The following NCOA7 variants were observed in gnomAD, a reference collection of about 807,000 sequenced individuals.
NCOA7 encodes the protein nuclear receptor coactivator 7, also known as 140 kDa estrogen receptor-associated protein.
A neutral mutation model predicts 104.3 loss-of-function variants in NCOA7; 45 were observed. That is an observed-to-expected ratio of 0.43 (90% confidence interval 0.34 to 0.55). NCOA7 has a LOEUF of 0.55. Among genes scored for constraint, NCOA7 ranks in the 20% least tolerant of loss-of-function variants. The probability of loss-of-function intolerance (pLI) is 0.02; values close to 1 mark genes in which losing one functional copy is unlikely to be tolerated. For synonymous variants in NCOA7, 398 were observed against 402.3 expected (o/e 0.99, Z 0.13); for missense variants, 1,041 against 1,119.7 (o/e 0.93, Z 1.00).
At chr6:125,835,289 A>C (rs1422123760) in intron 2 of NCOA7, among the ~76,000 whole-genome samples, 1 of 152,190 alleles carries the variant, frequency 6.6e-6, no homozygotes, top group East Asian at 1.9e-4. Flanking sequence ...TGTTGTTGGC[A>C]TGGAGCAACC....
At chr6:125,824,800 C>T (rs1778505666) in intron 2 of NCOA7, among the ~76,000 whole-genome samples, 1 of 152,038 alleles carries the variant, frequency 6.6e-6, no homozygotes, top group Non-Finnish European at 1.5e-5. Flanking sequence ...GCTCTGTTGC[C>T]CAGGCTGGAG....
intron 3 of NCOA7, among the ~76,000 whole-genome samples, chr6:125,855,754 G>T (rs1046815734): frequency 1.3e-5 from 2 of 151,860 alleles, no homozygotes; most frequent in African/African-American, 4.8e-5. Flanking sequence ...CATGATCTCG[G>T]CTCACTGCAA....
At chr6:125,922,953 C>A in intron 13 of NCOA7, 119 bp downstream of exon 13, 1 of 920,428 alleles carries the variant, frequency 1.1e-6, no homozygotes, top group Non-Finnish European at 1.5e-6. Flanking sequence ...AGGATTTTGC[C>A]TTCTGTGTCT....
Position 125,855,230 on chromosome 6 carries a change from T to G in NCOA7, c.261T>G (p.Tyr87Ter). ...KEIRRTELKRYYSIDDNQNKT... is the reference protein window; with the variant it reads ...KEIRRTELKR ...TCAGGCGTACAGAACTAAAGAGATA[T>G]TATAGTATTGGTGAGTATTCATGGC... Residue 87 changes from tyrosine (Y) to a stop codon, truncating the protein, a stop_gained, in exon 3 of 16, where the codon TAT becomes TAG. Coordinates refer to ENST00000392477, the MANE Select transcript of NCOA7 (RefSeq NM_181782.5). LOFTEE classifies it high-confidence loss of function. 6.2e-7 allele frequency: 1 copy of G among 1,608,630 alleles called. No individual in the cohort carries two copies. Among genetic ancestry groups the G allele is most frequent in the African/African-American group, 1.3e-5 (1 of 74,948 alleles).
rs79387157 is a variant in NCOA7, at chr6:125,877,954, C to G, written c.352-309C>G. On this transcript the variant is annotated intron_variant, in intron 4 of 15. Transcript: ENST00000392477. The stretch of plus-strand genomic sequence containing the variant: ...ACTCTGTGTACATCGTATTTCTTTT[C>G]TTGTTGTAGTCTTCATTACAGCTCA... Among the ~76,000 whole-genome samples, 293 of 152,250 alleles carry G rather than the reference C, an allele frequency of 1.9e-3. 1 individual carries two copies. Among genetic ancestry groups the G allele is most frequent in the African/African-American group, 5.8e-3 (241 of 41,558 alleles).
intron 3 of NCOA7, among the ~76,000 whole-genome samples, chr6:125,868,897 G>C (rs1469047630): frequency 6.6e-6 from 1 of 152,194 alleles, no homozygotes; most frequent in African/African-American, 2.4e-5. Flanking sequence ...AGAAATAGAT[G>C]GAGGAGAGAG....
chr6:125,835,708 G>C (rs980436769), intron 2 of NCOA7, among the ~76,000 whole-genome samples: 5 of 152,228 alleles, frequency 3.3e-5, no homozygotes, highest in African/African-American at 7.2e-5. Flanking sequence ...CAGAGGCAGA[G>C]ACTCAGTGCT....
chr6:125,911,226 T>C (rs1786515011), intron 10 of NCOA7, among the ~76,000 whole-genome samples: 1 of 152,258 alleles, frequency 6.6e-6, no homozygotes, highest in African/African-American at 2.4e-5. Flanking sequence ...CATGTTCTGC[T>C]ACTTGAGATA....
Position 125,928,212 on chromosome 6 carries a change from T to C in NCOA7, c.2658T>C (p.Asn886=). 6.2e-7 allele frequency: 1 copy of C among 1,612,914 alleles called. No individual in the cohort carries two copies. The highest frequency in any genetic ancestry group is 8.5e-7 in the Non-Finnish European group (1 of 1,179,838). The change falls in exon 15 of 16, where the codon AAT becomes AAC. Residue 886 remains asparagine (N), a synonymous_variant. Transcript: ENST00000392477. The part of the protein sequence containing the change: ...KWSGENSYFI[N]GDISSLELGG... ...GTGGAGAAAATTCATACTTTATCAA[T>C]GGAGACATAAGTTCTTTAGAACTTG...
At chr6:125,919,435 T>G in intron 11 of NCOA7, 10 of 1,612,590 alleles carry the variant, frequency 6.2e-6, no homozygotes, top group Non-Finnish European at 8.5e-6. Flanking sequence ...TGTGAAGGTA[T>G]GTTGGAGTGC....
intron 10 of NCOA7, among the ~76,000 whole-genome samples, chr6:125,893,888 A>C (rs1784802800): frequency 6.6e-6 from 1 of 152,162 alleles, no homozygotes; most frequent in Non-Finnish European, 1.5e-5. Flanking sequence ...GTTCACTGAG[A>C]ATTAAATACT....
At chr6:125,842,273 G>A (rs1780242592) in intron 2 of NCOA7, among the ~76,000 whole-genome samples, 1 of 152,208 alleles carries the variant, frequency 6.6e-6, no homozygotes, top group Non-Finnish European at 1.5e-5. Flanking sequence ...GGGAAAGTCA[G>A]TTAAAATTGG....
At chr6:125,894,115 T>A (rs535654375) in intron 10 of NCOA7, among the ~76,000 whole-genome samples, 1 of 152,178 alleles carries the variant, frequency 6.6e-6, no homozygotes, top group Non-Finnish European at 1.5e-5. Flanking sequence ...TAGTACAAAA[T>A]TTCTCAACCT....
At chr6:125,864,670 G>A (rs775871351) in intron 3 of NCOA7, among the ~76,000 whole-genome samples, 1 of 136,600 alleles carries the variant, frequency 7.3e-6, no homozygotes, top group East Asian at 2.1e-4. Flanking sequence ...TTGAGAATGC[G>A]CTATCTACGA....
chr6:125,916,103 T>C (rs933667227), intron 11 of NCOA7, among the ~76,000 whole-genome samples: 3 of 151,872 alleles, frequency 2.0e-5, no homozygotes, highest in Non-Finnish European at 4.4e-5. Context: ...TGGTGGGAGG[T>C]GATTGGATCA....
intron 2 of NCOA7, among the ~76,000 whole-genome samples, chr6:125,844,879 A>G (rs928546907): frequency 2.0e-5 from 3 of 152,220 alleles, no homozygotes; most frequent in Admixed American, 2.0e-4. Flanking sequence ...ACAAATTAGT[A>G]ACTTTTGTTT....
intron 10 of NCOA7, among the ~76,000 whole-genome samples, chr6:125,894,609 C>T (rs1034354459): frequency 2.6e-5 from 4 of 152,160 alleles, no homozygotes; most frequent in African/African-American, 9.7e-5. Context: ...ATACCTTACA[C>T]ATTCATCATC....
At chr6:125,811,127 A>G (rs905083395) in intron 1 of NCOA7, among the ~76,000 whole-genome samples, 1 of 152,198 alleles carries the variant, frequency 6.6e-6, no homozygotes, top group Non-Finnish European at 1.5e-5. Context: ...CACCTGACCC[A>G]GGGCAGGGCA....
intron 10 of NCOA7, among the ~76,000 whole-genome samples, chr6:125,902,642 AT>A (rs1785615093): frequency 6.6e-6 from 1 of 152,208 alleles, no homozygotes; most frequent in Non-Finnish European, 1.5e-5. Flanking sequence ...TGTTTCAAGC[AT>A]CAACTCTCCA....
Sources: allele counts gnomAD v4.1 joint callset (sites outside exome capture counted in the v4.1 genomes callset), GRCh38; gene constraint gnomAD v4.1.1; transcripts MANE v1.5; gene names NCBI Gene and HGNC (gene_info 2026-07-23, HGNC 2026-07-21).